ZFPM2: variants seen among roughly 807,000 people sequenced by gnomAD.
ZFPM2 encodes the protein zinc finger protein ZFPM2.
ZFPM2 carries 20 observed loss-of-function variants against 98.6 expected under a neutral mutation model. The ratio of observed to expected loss-of-function variants is 0.20; its 90% CI spans 0.14 to 0.29. The LOEUF is 0.29. ZFPM2 is among the 10% of genes least tolerant of loss of function. ZFPM2 has a pLI of 1.00. For missense variants in ZFPM2, 1,310 were observed against 1,388.6 expected (o/e 0.94, Z 0.90); for synonymous variants, 518 against 502.7 (o/e 1.03, Z -0.41).
In ZFPM2 at chr8:105,643,375, G is replaced by C. The variant is rs573345970; in HGVS notation, c.532+9018G>C. Among the ~76,000 whole-genome samples, 14 of 152,022 alleles carry C rather than the reference G, an allele frequency of 9.2e-5. No homozygotes were observed. The East Asian group carries it at 2.7e-3, about 29-fold the overall frequency. Reference sequence around the variant, plus strand: ...CAGGTTACCCAATGTGGATTCCATGGGTCTGTCATTCTAATCACTTTCTTA... The same window carrying C: ...CAGGTTACCCAATGTGGATTCCATGCGTCTGTCATTCTAATCACTTTCTTA... On this transcript the variant is annotated intron_variant, in intron 5 of 7. Transcript: ENST00000407775.
intron 4 of ZFPM2, among the ~76,000 whole-genome samples, chr8:105,599,037 G>A (rs987245785): frequency 2.6e-5 from 4 of 152,206 alleles, no homozygotes; most frequent in Middle Eastern, 3.4e-3. Context: ...GGAACACAGC[G>A]TGTATAACAG....
intron 4 of ZFPM2, among the ~76,000 whole-genome samples, chr8:105,594,862 A>G (rs1815934969): frequency 6.6e-6 from 1 of 152,118 alleles, no homozygotes; most frequent in Non-Finnish European, 1.5e-5. Flanking sequence ...GGTTATACCA[A>G]CTATATTTAG....
At chr8:105,465,175 G>A (rs1251681734) in intron 3 of ZFPM2, among the ~76,000 whole-genome samples, 2 of 151,842 alleles carry the variant, frequency 1.3e-5, no homozygotes, top group Non-Finnish European at 2.9e-5. Context: ...ATCTGCAGAA[G>A]GAGCAAAAAA....
Position 105,798,830 on chromosome 8 carries a change from G to A in ZFPM2, c.846G>A (p.Pro282=), listed in dbSNP as rs916094617. Residue 282 remains proline (P), a synonymous_variant, in exon 7 of 8, where the codon CCG becomes CCA. Coordinates refer to ENST00000407775, the MANE Select transcript of ZFPM2 (RefSeq NM_012082.4). ...GTGGGAGGCAAAGAGAAGCTGCTCC[G>A]GTGTCAGAGGAAAATGAAGACAGTG... ...YCSGRQREAA[P]VSEENEDSAH... is the part of the protein sequence containing the mutation. 14 of 1,613,792 alleles carry A rather than the reference G, an allele frequency of 8.7e-6. No homozygotes were observed. The highest frequency in any genetic ancestry group is 2.7e-5 in the African/African-American group (2 of 74,888).
At chr8:105,531,667 A>C (rs1018362430) in intron 3 of ZFPM2, among the ~76,000 whole-genome samples, 6 of 152,156 alleles carry the variant, frequency 3.9e-5, no homozygotes, top group African/African-American at 1.4e-4. Flanking sequence ...TCTGAAAGAG[A>C]AAATACTTTC....
chr8:105,765,908 C>G (rs1280436138), intron 5 of ZFPM2, among the ~76,000 whole-genome samples: 3 of 151,862 alleles, frequency 2.0e-5, no homozygotes, highest in Non-Finnish European at 4.4e-5. Context: ...TAATTTGTCA[C>G]TGGCATTTCT....
At chr8:105,713,403 T>C (rs1244159646) in intron 5 of ZFPM2, among the ~76,000 whole-genome samples, 1 of 152,160 alleles carries the variant, frequency 6.6e-6, no homozygotes, top group Non-Finnish European at 1.5e-5. Context: ...TTAAGTTTCT[T>C]ATAGATTCTG....
intron 4 of ZFPM2, among the ~76,000 whole-genome samples, chr8:105,598,463 C>T (rs1196596624): frequency 6.6e-6 from 1 of 152,130 alleles, no homozygotes; most frequent in East Asian, 1.9e-4. Context: ...CATCTCTTAG[C>T]TTTGCTTCAT....
At chr8:105,426,591 T>G (rs1172894758) in intron 2 of ZFPM2, among the ~76,000 whole-genome samples, 2 of 152,160 alleles carry the variant, frequency 1.3e-5, no homozygotes, top group African/African-American at 4.8e-5. Context: ...TTAGTTTTTC[T>G]TAGGTAAATC....
chr8:105,664,946 A>T (rs932013210), intron 5 of ZFPM2, among the ~76,000 whole-genome samples: 3 of 152,254 alleles, frequency 2.0e-5, no homozygotes, highest in Non-Finnish European at 4.4e-5. Flanking sequence ...TAGGATAATT[A>T]AGGGCAAAAA....
At chr8:105,664,767 A>T (rs1376658862) in intron 5 of ZFPM2, among the ~76,000 whole-genome samples, 5 of 152,120 alleles carry the variant, frequency 3.3e-5, no homozygotes, top group Non-Finnish European at 5.9e-5. Context: ...GTTCAGAGGG[A>T]CCTGATTAGT....
chr8:105,326,797 A>G (rs1212651809), intron 1 of ZFPM2, among the ~76,000 whole-genome samples: 1 of 151,116 alleles, frequency 6.6e-6, no homozygotes, highest in African/African-American at 2.4e-5. Context: ...ATTTTCATGG[A>G]GGTGACTTGG....
chr8:105,446,918 T>C (rs916303830), intron 3 of ZFPM2, among the ~76,000 whole-genome samples: 4 of 152,122 alleles, frequency 2.6e-5, no homozygotes, highest in South Asian at 2.1e-4. Context: ...ATCAGGAGAT[T>C]AGGGAGAAAG....
intron 3 of ZFPM2, among the ~76,000 whole-genome samples, chr8:105,508,827 T>C (rs78263943): frequency 0.062 from 9,286 of 150,560 alleles, 590 homozygotes; most frequent in African/African-American, 0.16. Flanking sequence ...CGCATTGTTG[T>C]GTTGGGGTTT....
intron 2 of ZFPM2, among the ~76,000 whole-genome samples, chr8:105,441,452 GAGAAAGAA>G (rs34216988): frequency 0.043 from 1,661 of 38,938 alleles, 103 homozygotes; most frequent in Non-Finnish European, 0.056. Flanking sequence ...GAGAGAGAGA[GAGAAAGAA>G]AGAAAGAAAG....
chr8:105,429,445 AATAT>A (rs142230291), intron 2 of ZFPM2, among the ~76,000 whole-genome samples: 7 of 138,334 alleles, frequency 5.1e-5, no homozygotes, highest in African/African-American at 1.9e-4. Context: ...TAGACAAGGA[AATAT>A]ATATATATAT....
In ZFPM2 at chr8:105,542,229, T is replaced by C. The variant is rs375480329; in HGVS notation, c.302-19134T>C. Reference sequence around the variant, plus strand: ...ATACATATTTAAAAGAGAAATGCAGTCTTGTTAATTTTTAGTTCTTTGGTG... The same window carrying C: ...ATACATATTTAAAAGAGAAATGCAGCCTTGTTAATTTTTAGTTCTTTGGTG... On this transcript the variant is annotated intron_variant, in intron 3 of 7. Transcript: ENST00000407775. Among the ~76,000 whole-genome samples the C allele has an allele frequency of 3.9e-5, 6 of 152,252 alleles. No homozygotes were observed. The East Asian group carries it at 1.2e-3, about 29-fold the overall frequency.
At chr8:105,578,046 A>G (rs1815506169) in intron 4 of ZFPM2, among the ~76,000 whole-genome samples, 1 of 152,132 alleles carries the variant, frequency 6.6e-6, no homozygotes, top group Admixed American at 6.6e-5. Flanking sequence ...TTTGGTAATA[A>G]TGTTATCATT....
At position 105,618,252 on chromosome 8, in the gene ZFPM2, C is replaced by A. The variant is rs185131801; in HGVS notation, c.421-15994C>A. On this transcript the variant is annotated intron_variant, in intron 4 of 7. Coordinates refer to ENST00000407775, the MANE Select transcript of ZFPM2 (RefSeq NM_012082.4). Reference sequence around the variant, plus strand: ...TAAGGAGAGTCTCATTGCTTTAACACCATAGAAAGAATTATGTTTCTTATA... The same window carrying A: ...TAAGGAGAGTCTCATTGCTTTAACAACATAGAAAGAATTATGTTTCTTATA... 2.3e-3 allele frequency among the ~76,000 whole-genome samples: 350 copies of A among 152,088 alleles called. 1 individual carries two copies. The highest frequency in any genetic ancestry group is 7.8e-3 in the African/African-American group (323 of 41,504).
Sources: gnomAD v4.1 joint callset for allele counts (sites outside exome capture counted in the v4.1 genomes callset) on GRCh38, gnomAD v4.1.1 for gene constraint, MANE v1.5 for transcripts, NCBI Gene and HGNC (gene_info 2026-07-23, HGNC 2026-07-21) for gene names.